HYI: variants seen among roughly 807,000 people sequenced by gnomAD.
HYI encodes putative hydroxypyruvate isomerase.
HYI carries 47 observed loss-of-function variants against 39.7 expected under a neutral mutation model. That is an observed-to-expected ratio of 1.18 (90% CI 0.94 to 1.51). HYI has a LOEUF of 1.51. HYI is among the 40% of genes most tolerant of loss of function. The pLI is 0.00. For synonymous variants in HYI, 186 were observed against 158.8 expected, an observed-to-expected ratio of 1.17 and a Z score of -1.29; for missense variants, 465 against 370.3, an observed-to-expected ratio of 1.26 and a Z score of -2.10.
chr1:43,453,901 ACG>A lies in HYI; in HGVS notation c.-110_-109del. 1 of 1,216,504 alleles carries A rather than the reference ACG, an allele frequency of 8.2e-7. No homozygotes were observed. The highest frequency in any genetic ancestry group is 1.6e-5 in the African/African-American group (1 of 62,958). The allele number at this position is 1,216,504 out of a possible 1,614,324, so 75.4% of individuals were successfully genotyped here. A position where few individuals can be genotyped will look rare whatever the true frequency, so the allele number is the denominator to read the frequency against. On this transcript the variant is annotated 5_prime_UTR_variant, in exon 1 of 8. Coordinates refer to ENST00000372430, the MANE Select transcript of HYI (RefSeq NM_001190880.3). ...CTCTCCTTGCTGGCCCTGCGAACGA[ACG>A]AGCACTGTTCGTGGTTAGAAAAGCG... is the stretch of plus-strand genomic sequence containing the variant.
chr1:43,452,690 C>T (rs1656573465), intron 2 of HYI: 6 of 610,748 alleles, frequency 9.8e-6, no homozygotes, highest in South Asian at 9.7e-5. Flanking sequence ...CTCGCATCTA[C>T]TTAGCCTTTT....
At position 43,452,286 on chromosome 1, in the gene HYI, T is replaced by TCCCTGGGGTACTCGGCCAGCC. The variant is rs1656525381; in HGVS notation, c.324_344dup (p.Gly110_Ala116dup). The TCCCTGGGGTACTCGGCCAGCC allele has an allele frequency of 6.2e-6, 10 of 1,614,040 alleles. No individual in the cohort carries two copies. In the East Asian group the frequency reaches 2.2e-4, roughly 36 times the overall value. On this transcript the variant is annotated inframe_insertion, in exon 3 of 8. Coordinates refer to ENST00000372430, the MANE Select transcript of HYI (RefSeq NM_001190880.3). ...CAGCCTTGACTGCTATTCGATCAGCTCCCTGGGGTACTCGGCCAGCCATCA... is the reference window on the plus strand; with the variant it reads ...CAGCCTTGACTGCTATTCGATCAGCTCCCTGGGGTACTCGGCCAGCCCCCTGGGGTACTCGGCCAGCCATCA...
chr1:43,453,319 C>G (rs1656642864), intron 2 of HYI, 67 bp downstream of exon 2: 1 of 1,065,806 alleles, frequency 9.4e-7, no homozygotes, highest in African/African-American at 1.6e-5. Flanking sequence ...GATCTGGCGT[C>G]CTCGACTCCC....
At chr1:43,452,168 A>G (rs377185607) in intron 3 of HYI, 37 bp downstream of exon 3, 64 of 1,561,520 alleles carry the variant, frequency 4.1e-5, no homozygotes, top group Admixed American at 5.2e-5. Context: ...ACACCCACAG[A>G]GACATGTAAG....
chr1:43,453,716 G>C lies in HYI; in HGVS notation c.78C>G (p.Ala26=). Residue 26 remains alanine, a synonymous_variant, in exon 1 of 8, where the codon GCC becomes GCG. Transcript: ENST00000372430. ...ELSGLPARVR[A]AGSSGFEAVE... ...CGGCCTCGAAGCCCGAGCTGCCCGC[G>C]GCCCGCACCCGCGCGGGGAGGCCGG... The C allele has an allele frequency of 2.1e-6, 3 of 1,399,172 alleles. No homozygotes were observed. The highest frequency in any genetic ancestry group is 2.8e-6 in the Non-Finnish European group (3 of 1,087,408). 86.7% of individuals were successfully genotyped at this position (1,399,172 alleles called of 1,614,324 possible).
rs1231996355 is a variant in HYI at position 43,453,851 on chromosome 1, C to CGGCGGGCGGCG, written c.-69_-59dup. 1.2e-5 allele frequency: 13 copies of CGGCGGGCGGCG among 1,080,102 alleles called. No individual in the cohort carries two copies. In the South Asian group the frequency reaches 5.0e-4, roughly 42 times the overall value. 66.9% of individuals were successfully genotyped at this position (1,080,102 alleles called of 1,614,324 possible). A position where few individuals can be genotyped will look rare whatever the true frequency, so the allele number is the denominator to read the frequency against. ...GGATCCAAAGGCGGCGGGCGGCGGGCGGCGGGCGGCGGGCGGGGGCGGGGC... is the reference window on the plus strand; with the variant it reads ...GGATCCAAAGGCGGCGGGCGGCGGGCGGCGGGCGGCGGGCGGGCGGCGGGCGGGGGCGGGGC... On this transcript the variant is annotated 5_prime_UTR_variant, in exon 1 of 8. Transcript: ENST00000372430.
chr1:43,451,536 G>A lies in HYI; in HGVS notation c.634C>T (p.Gln212Ter), dbSNP rs1436176772. 4.3e-6 allele frequency: 7 copies of A among 1,614,020 alleles called. No homozygotes were observed. The highest frequency in any genetic ancestry group is 3.3e-5 in the Admixed American group (2 of 60,024). ...REFLPIVGHVQVAQVPGRGEP... is the reference protein window; with the variant it reads ...REFLPIVGHV ...CCTCGGCCTGGGACCTGTGCCACCTGCACATGCCCTGGGGACAGATGTGGA... is the reference window on the plus strand; with the variant it reads ...CCTCGGCCTGGGACCTGTGCCACCTACACATGCCCTGGGGACAGATGTGGA... Residue 212 changes from glutamine (Q) to a stop codon, truncating the protein, a stop_gained, in exon 7 of 8, where the codon CAG (glutamine) becomes TAG (stop). Coordinates refer to ENST00000372430, the MANE Select transcript of HYI (RefSeq NM_001190880.3). LOFTEE classifies it high-confidence loss of function.
At position 43,451,304 on chromosome 1, in the gene HYI, T is replaced by C. The variant is rs1176166361; in HGVS notation, c.768A>G (p.Thr256=). The change falls in exon 8 of 8, where the codon ACA becomes ACG. Residue 256 remains threonine (T), a synonymous_variant. Coordinates refer to ENST00000372430, the MANE Select transcript of HYI (RefSeq NM_001190880.3). ...AACGTAGCCAACTCAAGCCCTCTAC[T>C]GTGTCTCCTGCAGGGAGAGGGAGGC... The part of the protein sequence containing the change: ...VGCEYQPRGD[T]VEGLSWLRSY... 2 of 1,613,772 alleles carry C rather than the reference T, an allele frequency of 1.2e-6. No individual in the cohort carries two copies. The highest frequency in any genetic ancestry group is 2.7e-5 in the African/African-American group (2 of 74,914).
intron 2 of HYI, chr1:43,452,542 T>G: frequency 1.6e-6 from 1 of 639,832 alleles, no homozygotes; most frequent in South Asian, 1.8e-5. Flanking sequence ...GCCTCCTGCC[T>G]CCAGTACTTT....
At position 43,453,817 on chromosome 1, in the gene HYI, G is replaced by T; in HGVS notation, c.-24C>A. The T allele has an allele frequency of 8.0e-7, 1 of 1,243,356 alleles. No homozygotes were observed. Among genetic ancestry groups the T allele is most frequent in the African/African-American group, 1.6e-5 (1 of 63,682 alleles). 77.0% of individuals were successfully genotyped at this position (1,243,356 alleles called of 1,614,324 possible). A position where few individuals can be genotyped will look rare whatever the true frequency, so the allele number is the denominator to read the frequency against. On this transcript the variant is annotated 5_prime_UTR_variant, in exon 1 of 8. Transcript: ENST00000372430. Reference sequence around the variant, plus strand: ...ATGCCTGGGGAGGCCGGGCCGGGCGGAGTCCGCGGGATCCAAAGGCGGCGG... The same window carrying T: ...ATGCCTGGGGAGGCCGGGCCGGGCGTAGTCCGCGGGATCCAAAGGCGGCGG...
In HYI at chr1:43,453,475, C is replaced by G. The variant is rs1428608586; in HGVS notation, c.222G>C (p.Met74Ile). ...GTCTCCCGGGGACGGCCCCCAGCCC[C>G]ATTTCCCCCTTCTCTTGGTCTCCTG... ...TPPGDQEKGE[M>I]GLGAVPGRQA... The change falls in exon 2 of 8, where the codon ATG (methionine) becomes ATC (isoleucine). Residue 74 changes from methionine (M) to isoleucine (I), a missense_variant. Physicochemically the swap from Met to Ile is conservative, Grantham distance 10. Transcript: ENST00000372430. 4 of 1,560,574 alleles carry G rather than the reference C, an allele frequency of 2.6e-6. No individual in the cohort carries two copies. The African/African-American group carries it at 5.5e-5, about 21-fold the overall frequency.
Position 43,451,227 on chromosome 1 carries a change from T to C in HYI, c.*11A>G. 1.9e-6 allele frequency: 3 copies of C among 1,613,648 alleles called. No homozygotes were observed. Among genetic ancestry groups the C allele is most frequent in the African/African-American group, 1.3e-5 (1 of 75,034 alleles). On this transcript the variant is annotated 3_prime_UTR_variant, in exon 8 of 8. Transcript: ENST00000372430. ...TCGCTGTCTGGAGGCACGTGGGTGGTGTGCGGGCCCTCACTGGCCAGCCTC... is the reference window on the plus strand; with the variant it reads ...TCGCTGTCTGGAGGCACGTGGGTGGCGTGCGGGCCCTCACTGGCCAGCCTC...
At chr1:43,453,246 T>G (rs560313634) in intron 2 of HYI, 140 bp downstream of exon 2, 168 of 654,798 alleles carry the variant, frequency 2.6e-4, no homozygotes, top group Non-Finnish European at 4.0e-4. Flanking sequence ...AAAGGCAATT[T>G]ACAAAGGACC....
chr1:43,452,658 G>A, intron 2 of HYI: 2 of 600,146 alleles, frequency 3.3e-6, no homozygotes, highest in Non-Finnish European at 5.9e-6. Context: ...GGTATTCCAT[G>A]CTGCTGTCTC....
intron 2 of HYI, chr1:43,452,978 T>C: frequency 6.2e-7 from 1 of 1,606,528 alleles, no homozygotes; most frequent in Non-Finnish European, 8.5e-7. Context: ...AACACTCAAC[T>C]TCCTGCCCAT....
In HYI at chr1:43,451,692, T is replaced by C; in HGVS notation, c.581A>G (p.Asp194Gly). ...CCGGATGTTTCCTGTCAGGTTCCCA[T>C]CCATGATCTGCCAGTGGAATATGTC... ...QMDIFHWQIM[D>G]GNLTGNIREF... Residue 194 changes from aspartate to glycine, a missense_variant, in exon 6 of 8, where the codon GAT becomes GGT. Asp to Gly is a moderately conservative substitution (Grantham distance 94). Coordinates refer to ENST00000372430, the MANE Select transcript of HYI (RefSeq NM_001190880.3). 1 of 1,614,120 alleles carries C rather than the reference T, an allele frequency of 6.2e-7. No homozygotes were observed. The highest frequency in any genetic ancestry group is 1.1e-5 in the South Asian group (1 of 91,074).
chr1:43,452,428 A>C (rs767082434), intron 2 of HYI, 109 bp from the exon 3 acceptor site: 17 of 857,162 alleles, frequency 2.0e-5, no homozygotes, highest in Non-Finnish European at 2.9e-5. Context: ...TCTCCAGTCC[A>C]TGGCACCTGG....
rs1397762584 is a variant in HYI, at chr1:43,452,888, C to G, written c.311+498G>C. Reference sequence around the variant, plus strand: ...GCAGACATTCCAGGCCTCCCCATCCCAACAGGCTACATACATGTCCAGCCT... The same window carrying G: ...GCAGACATTCCAGGCCTCCCCATCCGAACAGGCTACATACATGTCCAGCCT... On this transcript the variant is annotated intron_variant, in intron 2 of 7. Coordinates refer to ENST00000372430, the MANE Select transcript of HYI (RefSeq NM_001190880.3). 2.5e-6 allele frequency: 4 copies of G among 1,588,730 alleles called. 1 individual carries two copies. In the South Asian group the frequency reaches 3.5e-5, roughly 14 times the overall value.
At chr1:43,452,082 T>G (rs1183559956) in intron 3 of HYI, 69 bp from the exon 4 acceptor site, 25 of 1,535,224 alleles carry the variant, frequency 1.6e-5, no homozygotes, top group Non-Finnish European at 2.2e-5. Flanking sequence ...CAGTCACTGG[T>G]CAAGGCCCTC....
Sources: allele counts gnomAD v4.1 joint callset, GRCh38; gene constraint gnomAD v4.1.1; transcripts MANE v1.5; gene names NCBI Gene and HGNC (gene_info 2026-07-23, HGNC 2026-07-21).